TRIO: variants seen among roughly 807,000 people sequenced by gnomAD.
The protein encoded by TRIO is trio Rho guanine nucleotide exchange factor.
TRIO carries 58 observed loss-of-function variants against 351.9 expected under a neutral mutation model. The observed-to-expected ratio is 0.16, with a 90% CI of 0.13 to 0.21. TRIO has a LOEUF of 0.21. Among genes scored for constraint, TRIO ranks in the 10% least tolerant of loss-of-function variants. TRIO has a pLI of 1.00. For synonymous variants in TRIO, 1,758 were observed against 1,595.7 expected (o/e 1.10, Z -2.42); for missense variants, 3,201 against 4,027.8 (o/e 0.79, Z 5.56).
intron 1 of TRIO, among the ~76,000 whole-genome samples, chr5:14,264,884 T>A (rs947474308): frequency 5.3e-5 from 8 of 152,236 alleles, no homozygotes; most frequent in Non-Finnish European, 1.2e-4. Context: ...CTCTTCTCTT[T>A]GTGTGCAGGC....
At chr5:14,320,465 G>A (rs1370219244) in intron 9 of TRIO, among the ~76,000 whole-genome samples, 1 of 152,140 alleles carries the variant, frequency 6.6e-6, no homozygotes, top group African/African-American at 2.4e-5. Flanking sequence ...CCTAGAGGAA[G>A]CCCCTCAGCA....
chr5:14,365,023 C>T (rs1744476171), intron 15 of TRIO, among the ~76,000 whole-genome samples: 1 of 152,202 alleles, frequency 6.6e-6, no homozygotes, highest in Non-Finnish European at 1.5e-5. Context: ...AGCCAGTGGC[C>T]AGGACAGCTG....
At chr5:14,304,400 A>T in intron 7 of TRIO, 61 bp from the exon 8 acceptor site, 1 of 1,533,942 alleles carries the variant, frequency 6.5e-7, no homozygotes, top group South Asian at 1.2e-5. Flanking sequence ...CATGTTAAAA[A>T]ATGTCCACTT....
intron 1 of TRIO, among the ~76,000 whole-genome samples, chr5:14,243,000 C>T (rs368635081): frequency 2.4e-4 from 36 of 152,274 alleles, no homozygotes; most frequent in African/African-American, 5.5e-4. Flanking sequence ...CAGTGGTTGG[C>T]GGCCCAGCCA....
chr5:14,157,369 TTTTCTCTCTCTC>T (rs966055768), intron 1 of TRIO, among the ~76,000 whole-genome samples: 24 of 151,986 alleles, frequency 1.6e-4, no homozygotes, highest in African/African-American at 5.3e-4. Flanking sequence ...TGTATTTTTC[TTTTCTCTCTCTC>T]TTTCTCTCTC....
intron 1 of TRIO, among the ~76,000 whole-genome samples, chr5:14,240,292 A>G (rs570864253): frequency 6.6e-6 from 1 of 152,320 alleles, no homozygotes; most frequent in African/African-American, 2.4e-5. Flanking sequence ...TTATCTACTA[A>G]ATGCAATTTG....
At chr5:14,361,786 A>G (rs963457475) in intron 13 of TRIO, among the ~76,000 whole-genome samples, 13 of 152,162 alleles carry the variant, frequency 8.5e-5, no homozygotes, top group Non-Finnish European at 1.8e-4. Context: ...ATCTCTCGCA[A>G]GAAGCTTTTC....
chr5:14,247,354 A>G (rs202041236), intron 1 of TRIO, among the ~76,000 whole-genome samples: 1 of 152,250 alleles, frequency 6.6e-6, no homozygotes, highest in East Asian at 1.9e-4. Flanking sequence ...ACATGTTAAT[A>G]TGCATTTCAG....
intron 21 of TRIO, among the ~76,000 whole-genome samples, chr5:14,383,619 T>C (rs1746300352): frequency 6.6e-6 from 1 of 152,250 alleles, no homozygotes; most frequent in Non-Finnish European, 1.5e-5. Context: ...TCCTCAGATA[T>C]GTAGAACTGT....
intron 41 of TRIO, among the ~76,000 whole-genome samples, chr5:14,478,552 T>C (rs1266531980): frequency 1.3e-5 from 2 of 152,112 alleles, no homozygotes; most frequent in African/African-American, 4.8e-5. Context: ...TTCTTCTGCC[T>C]TTAGGATTTG....
intron 41 of TRIO, chr5:14,477,216 G>C: frequency 2.4e-6 from 1 of 414,160 alleles, no homozygotes; most frequent in Non-Finnish European, 4.3e-6. Context: ...ACCAGAGCCA[G>C]GCCTGAACAG....
chr5:14,506,315 G>C (rs945468143), intron 55 of TRIO, among the ~76,000 whole-genome samples: 1 of 152,220 alleles, frequency 6.6e-6, no homozygotes, highest in African/African-American at 2.4e-5. Context: ...GATTACTCCT[G>C]TTCTCACCGG....
At chr5:14,235,836 T>A (rs1208580025) in intron 1 of TRIO, among the ~76,000 whole-genome samples, 1 of 152,118 alleles carries the variant, frequency 6.6e-6, no homozygotes, top group Non-Finnish European at 1.5e-5. Context: ...TAAAAAAAAT[T>A]TTTTTTATTA....
chr5:14,270,493 A>G lies in TRIO; in HGVS notation c.158-332A>G, dbSNP rs148398983. Among the ~76,000 whole-genome samples the G allele has an allele frequency of 1.8e-4, 27 of 152,360 alleles. No individual in the cohort carries two copies. The East Asian group carries it at 5.2e-3, about 29-fold the overall frequency. On this transcript the variant is annotated intron_variant, in intron 1 of 56. Transcript: ENST00000344204. ...GTACCAGCAAAGATTTATGTACATT[A>G]ATCTACATAAAAATTAAGATTTGGT... is the stretch of plus-strand genomic sequence containing the variant.
intron 21 of TRIO, among the ~76,000 whole-genome samples, chr5:14,385,952 G>A (rs1746504399): frequency 6.6e-6 from 1 of 152,206 alleles, no homozygotes; most frequent in Non-Finnish European, 1.5e-5. Flanking sequence ...GCCCTCCACA[G>A]ATGGCCCTTG....
intron 31 of TRIO, among the ~76,000 whole-genome samples, chr5:14,403,665 TGG>T (rs1748402761): frequency 1.6e-5 from 2 of 125,882 alleles, no homozygotes; most frequent in Admixed American, 7.8e-5. Flanking sequence ...AGGGTGCAGG[TGG>T]TGGTGAGGGT....
intron 34 of TRIO, chr5:14,420,298 A>G: frequency 2.5e-6 from 1 of 405,622 alleles, no homozygotes; most frequent in Non-Finnish European, 4.5e-6. Flanking sequence ...TGATTTTGGA[A>G]CATTCCAGTT....
chr5:14,253,586 G>T (rs1036220099), intron 1 of TRIO, among the ~76,000 whole-genome samples: 4 of 152,114 alleles, frequency 2.6e-5, no homozygotes, highest in African/African-American at 9.7e-5. Context: ...TGATCTGCCC[G>T]CCTTGGCCTC....
At chr5:14,358,494 G>T in intron 12 of TRIO, 147 bp downstream of exon 12, 2 of 807,640 alleles carry the variant, frequency 2.5e-6, no homozygotes, top group Non-Finnish European at 3.7e-6. Context: ...AAAGGAGAGA[G>T]AAACGGCTCT....
Sources: allele counts gnomAD v4.1 joint callset (sites outside exome capture counted in the v4.1 genomes callset), GRCh38; gene constraint gnomAD v4.1.1; transcripts MANE v1.5; gene names NCBI Gene and HGNC (gene_info 2026-07-23, HGNC 2026-07-21).